Variants in USP42 observed in about 807,000 individuals in gnomAD.
The protein encoded by USP42 is ubiquitin specific peptidase 42, also known as ubiquitin carboxyl-terminal hydrolase 42.
Under a neutral mutation model 113.0 loss-of-function variants are expected in USP42, and 23 were observed. The observed-to-expected ratio is 0.20, with a 90% CI of 0.15 to 0.29. The LOEUF (loss-of-function observed/expected upper bound fraction) is 0.29. USP42 is among the 10% of genes least tolerant of loss of function. The pLI is 1.00. For missense variants in USP42, 2,174 were observed against 1,779.8 expected (o/e 1.22, Z -3.99); for synonymous variants, 933 against 699.0 (o/e 1.33, Z -5.28).
chr7:6,150,262 C>A lies in USP42; in HGVS notation c.2066C>A (p.Ser689Ter). Reference sequence around the variant, plus strand: ...TGCCAAGGCCAGCCTGCCCTGCACTCAGAAAATCCCTTTGCTAAGGCAAAC... The same window carrying A: ...TGCCAAGGCCAGCCTGCCCTGCACTAAGAAAATCCCTTTGCTAAGGCAAAC... ...ASCQGQPALH[S>*]ENPFAKANGL... The change falls in exon 13 of 18, where the codon TCA (serine) becomes TAA (stop). Residue 689 changes from serine (S) to a stop codon, truncating the protein, a stop_gained. Coordinates refer to ENST00000306177, the MANE Select transcript of USP42 (RefSeq NM_032172.3). LOFTEE classifies it high-confidence loss of function. The A allele has an allele frequency of 6.2e-7, 1 of 1,613,594 alleles. No individual in the cohort carries two copies. Among genetic ancestry groups the A allele is most frequent in the Non-Finnish European group, 8.5e-7 (1 of 1,179,820 alleles).
At chr7:6,126,773 G>A (rs1200160586) in intron 3 of USP42, among the ~76,000 whole-genome samples, 2 of 151,864 alleles carry the variant, frequency 1.3e-5, no homozygotes, top group Non-Finnish European at 2.9e-5. Context: ...GTGGAGCTGC[G>A]GTAAACATCC....
At chr7:6,155,753 G>T (rs1428199871) in intron 15 of USP42, among the ~76,000 whole-genome samples, 1 of 152,080 alleles carries the variant, frequency 6.6e-6, no homozygotes, top group Non-Finnish European at 1.5e-5. Context: ...TGGGAAATTT[G>T]CTTCTGTATT....
intron 14 of USP42, among the ~76,000 whole-genome samples, chr7:6,151,144 G>A (rs1183658714): frequency 1.3e-5 from 2 of 152,206 alleles, no homozygotes; most frequent in Admixed American, 1.3e-4. Flanking sequence ...ACCTGCACAG[G>A]GCACTTACCA....
intron 10 of USP42, 119 bp downstream of exon 10, chr7:6,145,775 A>G: frequency 8.4e-7 from 1 of 1,197,306 alleles, no homozygotes; most frequent in African/African-American, 1.5e-5. Flanking sequence ...CCCGAGGTAA[A>G]AATATTTCTC....
At chr7:6,136,057 T>C in intron 4 of USP42, 106 bp downstream of exon 4, 3 of 687,842 alleles carry the variant, frequency 4.4e-6, no homozygotes, top group Non-Finnish European at 6.9e-6. Flanking sequence ...TAGGCTGGAA[T>C]GTAGTGGCGC....
chr7:6,098,224 C>G, the USP42 span, among the ~76,000 whole-genome samples: 1 of 150,084 alleles, frequency 6.7e-6, no homozygotes, highest in African/African-American at 2.5e-5. Flanking sequence ...TTTCTATTGT[C>G]AAATACCAGT....
the USP42 span, among the ~76,000 whole-genome samples, chr7:6,095,257 T>G: frequency 6.6e-6 from 1 of 151,318 alleles, no homozygotes; most frequent in Non-Finnish European, 1.5e-5. Flanking sequence ...CTTGATCCCT[T>G]AGCAATAAGG....
chr7:6,144,869 C>CAA lies in USP42; in HGVS notation c.991-635_991-634dup, dbSNP rs112958397. Among the ~76,000 whole-genome samples the CAA allele has an allele frequency of 5.0e-5, 7 of 141,180 alleles. No homozygotes were observed. The South Asian group carries it at 8.9e-4, about 18-fold the overall frequency. 92.6% of individuals were successfully genotyped at this position (141,180 alleles called of 152,430 possible). On this transcript the variant is annotated intron_variant, in intron 9 of 17. Transcript: ENST00000306177. ...TGGGCAACAGAGTCAGATTCTGTCT[C>CAA]AAAAAAAAAAAAATTATGTTCAGAG... is the stretch of plus-strand genomic sequence containing the variant.
chr7:6,150,159 A>C lies in USP42; in HGVS notation c.1963A>C (p.Met655Leu), dbSNP rs760641392. 2 of 1,613,812 alleles carry C rather than the reference A, an allele frequency of 1.2e-6. No homozygotes were observed. The highest frequency in any genetic ancestry group is 1.7e-6 in the Non-Finnish European group (2 of 1,179,856). Residue 655 changes from methionine (M) to leucine (L), a missense_variant, in exon 13 of 18, where the codon ATG becomes CTG. Met to Leu is a conservative substitution (Grantham distance 15). Coordinates refer to ENST00000306177, the MANE Select transcript of USP42 (RefSeq NM_032172.3). Reference sequence around the variant, plus strand: ...CACTCCGCACGAGCTTCAAGAACCCATGACCCTAAACGGTGCTAATAGTGC... The same window carrying C: ...CACTCCGCACGAGCTTCAAGAACCCCTGACCCTAAACGGTGCTAATAGTGC... ...EATPHELQEPMTLNGANSADS... is the reference protein window; with the variant it reads ...EATPHELQEPLTLNGANSADS...
At chr7:6,107,414 T>TC (rs1310155880) in intron 1 of USP42, among the ~76,000 whole-genome samples, 1 of 150,074 alleles carries the variant, frequency 6.7e-6, no homozygotes, top group Non-Finnish European at 1.5e-5. Flanking sequence ...CTTTTCTTTT[T>TC]TTTTTTTTTT....
At chr7:6,142,821 C>A (rs1024174817) in intron 7 of USP42, 111 bp from the exon 8 acceptor site, 2 of 941,266 alleles carry the variant, frequency 2.1e-6, no homozygotes. Flanking sequence ...GAGGTCGAGG[C>A]TGCAGTGAGC....
In USP42 at chr7:6,159,003, G is replaced by A. The variant is rs117851162; in HGVS notation, c.3944-447G>A. 0.013 allele frequency among the ~76,000 whole-genome samples: 2,007 copies of A among 152,296 alleles called. 26 individuals carry two copies. Among genetic ancestry groups the A allele is most frequent in the Middle Eastern group, 0.061 (18 of 294 alleles). The stretch of plus-strand genomic sequence containing the variant: ...CACTGCACCGATGACAGGGTTTGCA[G>A]CTGGCGCTTCTGCTGCGAGCAGACT... On this transcript the variant is annotated intron_variant, in intron 16 of 17. Transcript: ENST00000306177. The surrounding 1 kb of genome is among the most constrained non-coding windows in gnomAD (Gnocchi z 4.1).
intron 3 of USP42, among the ~76,000 whole-genome samples, chr7:6,124,438 G>T (rs1780412451): frequency 2.0e-5 from 3 of 151,504 alleles, no homozygotes; most frequent in South Asian, 4.2e-4. Flanking sequence ...GCTAATTTTT[G>T]TATTTTTAGT....
At position 6,131,762 on chromosome 7, in the gene USP42, C is replaced by T. The variant is rs567225751; in HGVS notation, c.443-4079C>T. Among the ~76,000 whole-genome samples the T allele has an allele frequency of 7.1e-4, 108 of 152,272 alleles. 1 individual carries two copies. The highest frequency in any genetic ancestry group is 1.2e-3 in the Non-Finnish European group (85 of 68,024). On this transcript the variant is annotated intron_variant, in intron 3 of 17. Coordinates refer to ENST00000306177, the MANE Select transcript of USP42 (RefSeq NM_032172.3). The stretch of plus-strand genomic sequence containing the variant: ...TTGGGTCTTGAGGTCCGTAGCATGT[C>T]TCTTTCTCTTTCTACCTTTCACAGC...
At chr7:6,132,004 C>G (rs1329958972) in intron 3 of USP42, among the ~76,000 whole-genome samples, 1 of 152,176 alleles carries the variant, frequency 6.6e-6, no homozygotes, top group Non-Finnish European at 1.5e-5. Flanking sequence ...GTGATTATAG[C>G]TCATTGCAGC....
chr7:6,150,188 C>A lies in USP42; in HGVS notation c.1992C>A (p.Asp664Glu). 3.1e-6 allele frequency: 5 copies of A among 1,613,952 alleles called. No homozygotes were observed. The highest frequency in any genetic ancestry group is 4.2e-6 in the Non-Finnish European group (5 of 1,179,890). Residue 664 changes from aspartate (D) to glutamate (E), a missense_variant, in exon 13 of 18, where the codon GAC (aspartate) becomes GAA (glutamate). Physicochemically the swap from Asp to Glu is conservative, Grantham distance 45 (BLOSUM62 2). Transcript: ENST00000306177. ...CCCTAAACGGTGCTAATAGTGCAGA[C>A]AGCGACAGTGACCCGAAAGAAAACG... ...PMTLNGANSA[D>E]SDSDPKENGL... is the part of the protein sequence containing the mutation.
intron 3 of USP42, 121 bp downstream of exon 3, chr7:6,115,644 T>C: frequency 2.4e-6 from 3 of 1,263,288 alleles, no homozygotes; most frequent in Non-Finnish European, 3.3e-6. Flanking sequence ...GTTGGTTTAT[T>C]CTTTTAGAAA....
intron 3 of USP42, chr7:6,116,722 T>C: frequency 2.0e-6 from 1 of 508,340 alleles, no homozygotes; most frequent in Non-Finnish European, 3.9e-6. Flanking sequence ...ACCTAGAATC[T>C]CACCACCTAC....
At chr7:6,103,180 G>T (rs1274565165), upstream of USP42, among the ~76,000 whole-genome samples, 1 of 150,956 alleles carries the variant, frequency 6.6e-6, no homozygotes, top group Non-Finnish European at 1.5e-5. Flanking sequence ...ATAAATGATT[G>T]GATGTGTGGA....
Sources: gnomAD v4.1 joint callset for allele counts (sites outside exome capture counted in the v4.1 genomes callset) on GRCh38, gnomAD v4.1.1 for gene constraint, Gnocchi (gnomAD v3.1) non-coding constraint, MANE v1.5 for transcripts, NCBI Gene and HGNC (gene_info 2026-07-23, HGNC 2026-07-21) for gene names.